The following ZC3H12B variants were observed in gnomAD, a reference collection of about 807,000 sequenced individuals.
ZC3H12B encodes the protein probable ribonuclease ZC3H12B.
ZC3H12B carries 7 observed loss-of-function variants against 43.9 expected under a neutral mutation model. That is an observed-to-expected ratio of 0.16 (90% CI 0.09 to 0.30). ZC3H12B has a LOEUF of 0.30. ZC3H12B is among the 10% of genes least tolerant of loss of function. The probability of loss-of-function intolerance (pLI) is 1.00; values close to 1 mark genes in which losing one functional copy is unlikely to be tolerated. For missense variants in ZC3H12B, 475 were observed against 670.2 expected (o/e 0.71, Z 3.22); for synonymous variants, 222 against 241.7 (o/e 0.92, Z 0.76).
the ZC3H12B span, among the ~76,000 whole-genome samples, chrX:65,224,722 A>G: frequency 8.9e-6 from 1 of 111,985 alleles, no homozygotes; most frequent in South Asian, 3.7e-4. Flanking sequence ...AGGAGATTAT[A>G]TCCCGCACAT....
the ZC3H12B span, among the ~76,000 whole-genome samples, chrX:65,176,970 C>G: frequency 1.8e-5 from 2 of 111,783 alleles, no homozygotes; most frequent in Non-Finnish European, 3.8e-5. Flanking sequence ...GGCAAAGAAA[C>G]AACAACAACA....
At chrX:65,371,239 A>T (rs1055311598) in intron 2 of ZC3H12B, among the ~76,000 whole-genome samples, 1 of 112,157 alleles carries the variant, frequency 8.9e-6, no homozygotes, top group African/African-American at 3.2e-5. Context: ...AATTAGCATA[A>T]TCCTTTACAT....
At chrX:65,372,232 G>C (rs1222492303) in intron 2 of ZC3H12B, among the ~76,000 whole-genome samples, 1 of 111,871 alleles carries the variant, frequency 8.9e-6, no homozygotes. Flanking sequence ...AAGTATTTTA[G>C]ATTCAAAGGC....
intron 3 of ZC3H12B, among the ~76,000 whole-genome samples, chrX:65,407,791 G>A (rs1327566330): frequency 2.6e-5 from 3 of 113,369 alleles, no homozygotes; most frequent in African/African-American, 9.6e-5. Context: ...CTGCCCCCGC[G>A]CACAGTCCCC....
the ZC3H12B span, among the ~76,000 whole-genome samples, chrX:65,346,824 C>T: frequency 8.9e-6 from 1 of 112,159 alleles, no homozygotes. Context: ...AGATAAAAAC[C>T]CTATATCCCT....
chrX:65,500,745 T>G (rs1053875116), intron 4 of ZC3H12B, among the ~76,000 whole-genome samples: 5 of 107,917 alleles, frequency 4.6e-5, no homozygotes, highest in African/African-American at 1.7e-4. Context: ...CAGTTTTTGT[T>G]TTTTTTTTTT....
the ZC3H12B span, among the ~76,000 whole-genome samples, chrX:65,252,910 C>T: frequency 2.7e-5 from 3 of 111,566 alleles, no homozygotes; most frequent in Admixed American, 2.9e-4. Context: ...TCCATTAGAC[C>T]TTATTTGCTT....
At chrX:65,251,613 G>C in the ZC3H12B span, among the ~76,000 whole-genome samples, 2 of 111,036 alleles carry the variant, frequency 1.8e-5, no homozygotes, top group African/African-American at 3.3e-5. Flanking sequence ...CTTTTATTTC[G>C]TTGAGCAGTG....
chrX:65,358,137 A>T, the ZC3H12B span, among the ~76,000 whole-genome samples: 1 of 111,700 alleles, frequency 9.0e-6, no homozygotes, highest in Non-Finnish European at 1.9e-5. Flanking sequence ...AATGCAGTAA[A>T]AAGAGCTAAC....
chrX:65,362,085 C>T (rs770634652), upstream of ZC3H12B, among the ~76,000 whole-genome samples: 1 of 111,947 alleles, frequency 8.9e-6, no homozygotes, highest in South Asian at 3.7e-4. Context: ...CACTGGAAAT[C>T]GGACTGTCCA....
At chrX:65,045,017 T>C in the ZC3H12B span, among the ~76,000 whole-genome samples, 1 of 110,501 alleles carries the variant, frequency 9.0e-6, no homozygotes, top group Non-Finnish European at 1.9e-5. Flanking sequence ...CTCTGAAGTG[T>C]ACAATAGCAC....
chrX:65,351,768 T>G, the ZC3H12B span, among the ~76,000 whole-genome samples: 1 of 112,386 alleles, frequency 8.9e-6, no homozygotes, highest in African/African-American at 3.2e-5. Flanking sequence ...CACAATGAGA[T>G]AGCATCTCAC....
intron 2 of ZC3H12B, among the ~76,000 whole-genome samples, chrX:65,387,945 C>T (rs185708289): frequency 1.8e-5 from 2 of 112,128 alleles, no homozygotes; most frequent in East Asian, 5.6e-4. Flanking sequence ...AAATTCTTTT[C>T]TATAAGGATG....
chrX:65,414,455 T>G (rs189701394), intron 3 of ZC3H12B, among the ~76,000 whole-genome samples: 1 of 111,704 alleles, frequency 9.0e-6, no homozygotes, highest in Admixed American at 9.5e-5. Context: ...ATTTTTTGTC[T>G]AATTTTTCTG....
At chrX:65,214,733 T>C in the ZC3H12B span, among the ~76,000 whole-genome samples, 1 of 112,013 alleles carries the variant, frequency 8.9e-6, no homozygotes, top group Non-Finnish European at 1.9e-5. Context: ...GAATCATGAA[T>C]GTTCTTTATG....
the ZC3H12B span, among the ~76,000 whole-genome samples, chrX:65,260,763 G>A: frequency 5.4e-5 from 6 of 111,662 alleles, no homozygotes; most frequent in African/African-American, 1.9e-4. Flanking sequence ...TTACATGGAG[G>A]TTAGTATAAT....
At chrX:65,488,958 A>T in exon 1 of ZC3H12B, 1 of 1,211,039 alleles carries the variant, frequency 8.3e-7, no homozygotes, top group Non-Finnish European at 1.1e-6. Flanking sequence ...AAGCCTTAAG[A>T]GTAGCGACAA....
the ZC3H12B span, among the ~76,000 whole-genome samples, chrX:65,113,152 G>A: frequency 9.0e-6 from 1 of 111,337 alleles, no homozygotes; most frequent in Admixed American, 9.6e-5. Context: ...AAGACAAGTA[G>A]AATTAGAAGT....
the ZC3H12B span, among the ~76,000 whole-genome samples, chrX:65,100,766 C>G: frequency 9.1e-6 from 1 of 109,340 alleles, no homozygotes; most frequent in Non-Finnish European, 1.9e-5. Flanking sequence ...TCATAGAGAC[C>G]TACAAAGAGA....
Sources: gnomAD v4.1 joint callset for allele counts (sites outside exome capture counted in the v4.1 genomes callset) on GRCh38, gnomAD v4.1.1 for gene constraint, MANE v1.5 for transcripts, NCBI Gene and HGNC (gene_info 2026-07-23, HGNC 2026-07-21) for gene names.